The following RNASEH2B variants were observed in gnomAD, a reference collection of about 807,000 sequenced individuals.
RNASEH2B encodes Aicardi-Goutieres syndrome 2 protein.
In RNASEH2B, 36 loss-of-function variants were observed where a neutral mutation model predicts 45.0. The ratio of observed to expected loss-of-function variants is 0.80; its 90% confidence interval spans 0.61 to 1.06. The LOEUF is 1.06. Ranked by LOEUF, RNASEH2B falls within the 50% of genes least tolerant of loss-of-function variation. RNASEH2B has a pLI of 0.00. For synonymous variants in RNASEH2B, 119 were observed against 125.7 expected (o/e 0.95, Z 0.35); for missense variants, 361 against 360.3 (o/e 1.00, Z -0.02).
intron 6 of RNASEH2B, among the ~76,000 whole-genome samples, chr13:50,943,657 G>A (rs1303959090): frequency 6.6e-6 from 1 of 152,180 alleles, no homozygotes; most frequent in African/African-American, 2.4e-5. Context: ...GAAATAATTT[G>A]TTGGTGTAGA....
At chr13:50,946,255 A>C (rs779559856) in intron 7 of RNASEH2B, among the ~76,000 whole-genome samples, 1 of 152,244 alleles carries the variant, frequency 6.6e-6, no homozygotes, top group Non-Finnish European at 1.5e-5. Flanking sequence ...TCAAATGGTG[A>C]GACAGAAATT....
chr13:50,926,835 T>TAAAAA (rs3042189), intron 1 of RNASEH2B, among the ~76,000 whole-genome samples: 68 of 149,002 alleles, frequency 4.6e-4, no homozygotes, highest in African/African-American at 7.9e-4. Context: ...CACAAAGTAG[T>TAAAAA]AAAAAAAAAG....
Position 50,930,663 on chromosome 13 carries a change from A to C in RNASEH2B, c.245-20A>C, listed in dbSNP as rs1335370320. The C allele has an allele frequency of 1.3e-6, 2 of 1,579,278 alleles. No individual in the cohort carries two copies. Among genetic ancestry groups the C allele is most frequent in the African/African-American group, 2.7e-5 (2 of 74,176 alleles). ...CTTTCCAAGACGTTTAATTCCCTTC[A>C]TCCTTTTTGTAATCTGCAGGAGGTC... On this transcript the variant is annotated intron_variant, in intron 3 of 10. Transcript: ENST00000336617.
At chr13:50,949,771 T>G (rs1323746277) in intron 9 of RNASEH2B, among the ~76,000 whole-genome samples, 2 of 152,220 alleles carry the variant, frequency 1.3e-5, no homozygotes, top group Non-Finnish European at 2.9e-5. Context: ...TAAAGACATA[T>G]AGTTAAAATT....
rs1952055649 is a variant in RNASEH2B at position 50,956,648 on chromosome 13, C to T, written c.*174C>T. The stretch of plus-strand genomic sequence containing the variant: ...TCCTGAACAAAATATGGGAAAGTGT[C>T]TAACTTCATGGCTATGGCCTTTTGG... On this transcript the variant is annotated 3_prime_UTR_variant, in exon 11 of 11. Transcript: ENST00000336617. The T allele has an allele frequency of 7.1e-7, 1 of 1,400,488 alleles. No homozygotes were observed. Among genetic ancestry groups the T allele is most frequent in the Middle Eastern group, 2.8e-4 (1 of 3,626 alleles). The allele number at this position is 1,400,488 out of a possible 1,614,324, so 86.8% of individuals were successfully genotyped here. A position where few individuals can be genotyped will look rare whatever the true frequency, so the allele number is the denominator to read the frequency against.
chr13:50,914,333 C>T (rs1879610892), intron 1 of RNASEH2B, among the ~76,000 whole-genome samples: 1 of 152,142 alleles, frequency 6.6e-6, no homozygotes, highest in African/African-American at 2.4e-5. Context: ...TACGTGAGGG[C>T]CGAAAGCTTC....
intron 5 of RNASEH2B, chr13:50,938,146 A>G (rs1951782555): frequency 6.6e-6 from 1 of 152,262 alleles, no homozygotes; most frequent in Admixed American, 6.5e-5. Context: ...ACAATTGGAT[A>G]ATGGAATAAA....
intron 2 of RNASEH2B, among the ~76,000 whole-genome samples, chr13:50,927,737 G>A (rs1951619309): frequency 1.3e-5 from 2 of 152,122 alleles, no homozygotes; most frequent in African/African-American, 2.4e-5. Flanking sequence ...CAAAAAAGTA[G>A]CATGTTTGAG....
intron 9 of RNASEH2B, chr13:50,952,152 A>ACG (rs1951984143): frequency 6.6e-6 from 1 of 152,216 alleles, no homozygotes; most frequent in Non-Finnish European, 1.5e-5. Flanking sequence ...CCTGGGCAAC[A>ACG]CAGTGAAACC....
At chr13:50,910,184 C>T (rs1327416620) in intron 1 of RNASEH2B, 44 bp downstream of exon 1, 1 of 1,329,872 alleles carries the variant, frequency 7.5e-7, no homozygotes. Flanking sequence ...CAAGAACTGG[C>T]GGAGCGGCCC....
In RNASEH2B at chr13:50,930,010, T is replaced by C. The variant is rs1041464996; in HGVS notation, c.244+428T>C. 36 of 256,284 alleles carry C rather than the reference T, an allele frequency of 1.4e-4. 1 individual carries two copies. Among genetic ancestry groups the C allele is most frequent in the African/African-American group, 7.9e-4 (35 of 44,400 alleles). The allele number at this position is 256,284 out of a possible 1,614,324, so 15.9% of individuals were successfully genotyped here. A position where few individuals can be genotyped will look rare whatever the true frequency, so the allele number is the denominator to read the frequency against. The stretch of plus-strand genomic sequence containing the variant: ...TCTTTAAAATGCTTTGTCATATACC[T>C]GCCTGCCCACCTGCTCCCCCACCCC... On this transcript the variant is annotated intron_variant, in intron 3 of 10. Transcript: ENST00000336617.
chr13:50,965,724 T>G (rs1952158690), intron 9 of RNASEH2B, among the ~76,000 whole-genome samples: 1 of 152,236 alleles, frequency 6.6e-6, no homozygotes, highest in African/African-American at 2.4e-5. Flanking sequence ...TTAATGTTGC[T>G]GGTAATAAAT....
downstream of RNASEH2B, among the ~76,000 whole-genome samples, chr13:50,960,838 T>G (rs994614524): frequency 6.6e-5 from 10 of 152,230 alleles, no homozygotes; most frequent in African/African-American, 2.4e-4. Context: ...TCATTTTGCA[T>G]TATTATATTC....
intron 1 of RNASEH2B, among the ~76,000 whole-genome samples, chr13:50,916,589 TAC>T (rs1435727346): frequency 6.6e-5 from 10 of 152,322 alleles, no homozygotes; most frequent in Admixed American, 6.5e-4. Context: ...GAGGTAAAGA[TAC>T]ATTTACAGAG....
At chr13:50,947,715 G>A (rs1951921558) in intron 7 of RNASEH2B, among the ~76,000 whole-genome samples, 1 of 151,916 alleles carries the variant, frequency 6.6e-6, no homozygotes, top group Admixed American at 6.6e-5. Context: ...TGTTTTTAAT[G>A]TCATTTAGGG....
chr13:50,962,101 T>C (rs1281440286), intron 9 of RNASEH2B, among the ~76,000 whole-genome samples: 1 of 152,180 alleles, frequency 6.6e-6, no homozygotes, highest in Non-Finnish European at 1.5e-5. Flanking sequence ...GGGGTTTTTT[T>C]CCTAATATTT....
At chr13:50,968,438 A>G (rs1478943979) in intron 9 of RNASEH2B, among the ~76,000 whole-genome samples, 2 of 152,002 alleles carry the variant, frequency 1.3e-5, no homozygotes, top group African/African-American at 4.8e-5. Flanking sequence ...CTTTACAACA[A>G]CCCTCCAAGG....
upstream of RNASEH2B, chr13:50,909,775 G>T (rs936616032): frequency 1.7e-5 from 5 of 287,646 alleles, no homozygotes; most frequent in African/African-American, 6.6e-5. Flanking sequence ...CCTGCGGCGC[G>T]CGATGAGCAC....
Position 50,920,007 on chromosome 13 carries a change from GTGTTTTGTTTTGTTTTGTTT to G in RNASEH2B, c.65-7372_65-7353del, listed in dbSNP as rs201084919. 9.5e-3 allele frequency among the ~76,000 whole-genome samples: 1,424 copies of G among 149,778 alleles called. 15 individuals are homozygous for G. The highest frequency in any genetic ancestry group is 0.031 in the African/African-American group (1,251 of 40,366). On this transcript the variant is annotated intron_variant, in intron 1 of 10. Coordinates refer to ENST00000336617, the MANE Select transcript of RNASEH2B (RefSeq NM_024570.4). ...ATCAGAGATTCCTTGTTTGTTGAGGGTGTTTTGTTTTGTTTTGTTTTGTTTTGTTTTGTTTTGTTTTGTTT... is the reference window on the plus strand; with the variant it reads ...ATCAGAGATTCCTTGTTTGTTGAGGGTGTTTTGTTTTGTTTTGTTTTGTTT...
Sources: allele counts gnomAD v4.1 joint callset (sites outside exome capture counted in the v4.1 genomes callset), GRCh38; gene constraint gnomAD v4.1.1; transcripts MANE v1.5; gene names NCBI Gene and HGNC (gene_info 2026-07-23, HGNC 2026-07-21).